NEDD4L: variants seen among roughly 807,000 people sequenced by gnomAD.
NEDD4L encodes the protein NEDD4 like E3 ubiquitin protein ligase, also known as E3 ubiquitin-protein ligase NEDD4-like.
NEDD4L carries 54 observed loss-of-function variants against 148.9 expected under a neutral mutation model. That is an observed-to-expected ratio of 0.36 (90% CI 0.29 to 0.45). The LOEUF is 0.45. Ranked by LOEUF, NEDD4L falls within the 20% of genes least tolerant of loss-of-function variation. The pLI, the probability that NEDD4L is intolerant of heterozygous loss-of-function variation, is 1.00. For synonymous variants in NEDD4L, 433 were observed against 440.7 expected (o/e 0.98, Z 0.22); for missense variants, 856 against 1,233.8 (o/e 0.69, Z 4.59).
At chr18:58,349,438 T>C in intron 16 of NEDD4L, 99 bp from the exon 17 acceptor site, 1 of 904,454 alleles carries the variant, frequency 1.1e-6, no homozygotes. Context: ...ATGGACAGCC[T>C]GGTTGCCTTG....
At chr18:58,234,121 CCTTCTTT>C (rs2045674790) in intron 2 of NEDD4L, among the ~76,000 whole-genome samples, 2 of 27,928 alleles carry the variant, frequency 7.2e-5, no homozygotes, top group African/African-American at 9.7e-5. Flanking sequence ...CTTTTCTTTT[CCTTCTTT>C]TTTTCTTTCT....
At chr18:58,247,954 G>C (rs1297109570) in intron 3 of NEDD4L, among the ~76,000 whole-genome samples, 1 of 152,224 alleles carries the variant, frequency 6.6e-6, no homozygotes, top group South Asian at 2.1e-4. Context: ...CCGGTTCAGT[G>C]TTGTGTGAGC....
chr18:58,144,819 G>A (rs935186431), intron 1 of NEDD4L, among the ~76,000 whole-genome samples: 1 of 152,192 alleles, frequency 6.6e-6, no homozygotes, highest in Non-Finnish European at 1.5e-5. Context: ...CTACTGCTAT[G>A]TCCACAGCAC....
rs1398048368 is a variant in NEDD4L, at chr18:58,250,115, T to G, written c.243+1178T>G. Among the ~76,000 whole-genome samples, 4 of 152,180 alleles carry G rather than the reference T, an allele frequency of 2.6e-5. No individual in the cohort carries two copies. The East Asian group carries it at 7.7e-4, about 29-fold the overall frequency. ...TAGGCACATTTAAGTTCTATTTTTG[T>G]TAGTTTTTCTGAAGGTTTTTTTTGT... is the stretch of plus-strand genomic sequence containing the variant. On this transcript the variant is annotated intron_variant, in intron 4 of 30. Transcript: ENST00000400345.
intron 1 of NEDD4L, among the ~76,000 whole-genome samples, chr18:58,083,990 C>CA (rs2083612464): frequency 1.3e-5 from 2 of 152,360 alleles, no homozygotes; most frequent in South Asian, 4.1e-4. Flanking sequence ...CTCAGCCCCT[C>CA]AAAGTGCTGG....
chr18:58,168,025 A>G (rs1301593949), intron 2 of NEDD4L, among the ~76,000 whole-genome samples: 1 of 152,236 alleles, frequency 6.6e-6, no homozygotes, highest in Non-Finnish European at 1.5e-5. Flanking sequence ...GCAAATTCGT[A>G]CCTTGAATTT....
At chr18:58,371,372 A>G (rs1029003425) in intron 23 of NEDD4L, among the ~76,000 whole-genome samples, 5 of 152,028 alleles carry the variant, frequency 3.3e-5, no homozygotes, top group African/African-American at 1.2e-4. Context: ...TATAAAACAA[A>G]AATTGATGTT....
chr18:58,182,257 G>A (rs911083458), intron 2 of NEDD4L, among the ~76,000 whole-genome samples: 2 of 152,080 alleles, frequency 1.3e-5, no homozygotes, highest in Non-Finnish European at 2.9e-5. Context: ...GGCGGGGGGT[G>A]AATGCATCTG....
chr18:58,248,792 C>CT, intron 3 of NEDD4L, 107 bp from the exon 4 acceptor site: 2 of 633,146 alleles, frequency 3.2e-6, no homozygotes, highest in South Asian at 2.1e-5. Context: ...CTTCTCTTAG[C>CT]TTTTTTTAAT....
chr18:58,048,603 T>A (rs2081705749), intron 1 of NEDD4L, among the ~76,000 whole-genome samples: 1 of 152,260 alleles, frequency 6.6e-6, no homozygotes, highest in African/African-American at 2.4e-5. Flanking sequence ...AAGGTCTTAC[T>A]ATCTAGATTA....
intron 2 of NEDD4L, among the ~76,000 whole-genome samples, chr18:58,208,375 A>G (rs2042179785): frequency 6.6e-6 from 1 of 152,248 alleles, no homozygotes. Context: ...TCCCATAAGT[A>G]GGTTGAGCCT....
At chr18:58,231,616 G>C (rs1040455497) in intron 2 of NEDD4L, among the ~76,000 whole-genome samples, 22 of 152,148 alleles carry the variant, frequency 1.4e-4, no homozygotes, top group African/African-American at 5.3e-4. Flanking sequence ...AGGCTGGAGT[G>C]CTGTGGCTTG....
chr18:58,231,252 AAAAAAAAAG>A (rs1394216253), intron 2 of NEDD4L, among the ~76,000 whole-genome samples: 3 of 151,184 alleles, frequency 2.0e-5, no homozygotes, highest in Non-Finnish European at 4.4e-5. Context: ...AAAAAAAAAA[AAAAAAAAAG>A]AACAGAAAAG....
intron 1 of NEDD4L, among the ~76,000 whole-genome samples, chr18:58,065,661 T>A (rs1408046718): frequency 6.6e-6 from 1 of 152,224 alleles, no homozygotes; most frequent in Non-Finnish European, 1.5e-5. Flanking sequence ...TTCTTGGTCA[T>A]CCTTACTCTG....
At chr18:58,178,563 C>T (rs1160016999) in intron 2 of NEDD4L, among the ~76,000 whole-genome samples, 4 of 152,138 alleles carry the variant, frequency 2.6e-5, no homozygotes, top group Admixed American at 1.3e-4. Flanking sequence ...ACGGAATATT[C>T]GTTGGACTTA....
chr18:58,139,911 A>G (rs1035375068), intron 1 of NEDD4L, among the ~76,000 whole-genome samples: 2 of 152,178 alleles, frequency 1.3e-5, no homozygotes, highest in African/African-American at 4.8e-5. Flanking sequence ...TTTGTAGGTT[A>G]TGTTAAGGCT....
At chr18:58,362,856 GT>G (rs2045657564) in intron 19 of NEDD4L, among the ~76,000 whole-genome samples, 1 of 152,210 alleles carries the variant, frequency 6.6e-6, no homozygotes, top group Non-Finnish European at 1.5e-5. Flanking sequence ...ATTGGCTTAT[GT>G]CAGAACATTG....
chr18:58,170,273 C>G (rs949769799), intron 2 of NEDD4L, among the ~76,000 whole-genome samples: 14 of 152,212 alleles, frequency 9.2e-5, no homozygotes. Flanking sequence ...GGTGGCAACA[C>G]TCCTGCTGAG....
intron 1 of NEDD4L, among the ~76,000 whole-genome samples, chr18:58,069,119 G>A (rs1244754224): frequency 9.2e-5 from 12 of 131,134 alleles, no homozygotes; most frequent in African/African-American, 3.6e-4. Context: ...CTGTGTGATA[G>A]AGTGAGAATC....
Sources: allele counts gnomAD v4.1 joint callset (sites outside exome capture counted in the v4.1 genomes callset), GRCh38; gene constraint gnomAD v4.1.1; transcripts MANE v1.5; gene names NCBI Gene and HGNC (gene_info 2026-07-23, HGNC 2026-07-21).